The following R3HDM1 variants were observed in gnomAD, a reference collection of about 807,000 sequenced individuals.
The protein encoded by R3HDM1 is R3H domain containing 1, also known as R3H domain-containing protein 1.
A neutral mutation model predicts 141.1 loss-of-function variants in R3HDM1; 46 were observed. The ratio of observed to expected loss-of-function variants is 0.33; its 90% CI spans 0.26 to 0.42. The LOEUF (loss-of-function observed/expected upper bound fraction) is 0.42, where lower values mean the gene tolerates loss of function less well. R3HDM1 is among the 10% of genes least tolerant of loss of function. R3HDM1 has a pLI of 1.00. For synonymous variants in R3HDM1, 435 were observed against 472.9 expected (o/e 0.92, Z 1.04); for missense variants, 1,184 against 1,368.3 (o/e 0.87, Z 2.12).
intron 1 of R3HDM1, among the ~76,000 whole-genome samples, chr2:135,562,531 A>T (rs1701989700): frequency 6.6e-6 from 1 of 152,214 alleles, no homozygotes; most frequent in Non-Finnish European, 1.5e-5. Flanking sequence ...AGATATACTA[A>T]GCCATAAGTC....
At chr2:135,688,641 G>C (rs2071787255) in intron 21 of R3HDM1, among the ~76,000 whole-genome samples, 2 of 152,142 alleles carry the variant, frequency 1.3e-5, no homozygotes, top group Non-Finnish European at 2.9e-5. Flanking sequence ...TTGTTATCAA[G>C]AAATACTGCG....
At chr2:135,611,830 C>T (rs570261708) in intron 3 of R3HDM1, among the ~76,000 whole-genome samples, 1 of 152,230 alleles carries the variant, frequency 6.6e-6, no homozygotes, top group Non-Finnish European at 1.5e-5. Context: ...CTTTCTTGTG[C>T]TGCGTAAAGA....
chr2:135,700,318 C>A (rs1352503836), intron 21 of R3HDM1, among the ~76,000 whole-genome samples: 1 of 152,072 alleles, frequency 6.6e-6, no homozygotes, highest in Non-Finnish European at 1.5e-5. Flanking sequence ...GATAGTGGGA[C>A]CAGTGAGTTT....
intron 1 of R3HDM1, among the ~76,000 whole-genome samples, chr2:135,535,112 T>G (rs1197554094): frequency 1.3e-5 from 2 of 152,204 alleles, no homozygotes; most frequent in African/African-American, 4.8e-5. Flanking sequence ...AATTTTCAAA[T>G]TGCTATTGCA....
intron 18 of R3HDM1, among the ~76,000 whole-genome samples, chr2:135,656,048 C>G (rs79476528): frequency 0.028 from 4,262 of 152,110 alleles, 177 homozygotes; most frequent in African/African-American, 0.088. Context: ...GGGATTTGTC[C>G]ATCTCCCTTT....
At chr2:135,548,013 C>T (rs975036489) in intron 1 of R3HDM1, among the ~76,000 whole-genome samples, 1 of 152,044 alleles carries the variant, frequency 6.6e-6, no homozygotes, top group African/African-American at 2.4e-5. Context: ...ACCTCGTGAT[C>T]CACCCGCCTT....
intron 1 of R3HDM1, chr2:135,590,461 A>C: frequency 1.9e-5 from 15 of 790,072 alleles, no homozygotes; most frequent in Non-Finnish European, 2.3e-5. Flanking sequence ...ATTGTAAAGA[A>C]ACCCATGGGT....
chr2:135,677,821 G>A (rs2069464604), intron 20 of R3HDM1, among the ~76,000 whole-genome samples: 1 of 152,088 alleles, frequency 6.6e-6, no homozygotes, highest in South Asian at 2.1e-4. Context: ...AGCCAGAAAA[G>A]TCATCTGTCC....
Position 135,631,904 on chromosome 2 carries a change from A to C in R3HDM1, c.601A>C (p.Met201Leu), listed in dbSNP as rs1326797518. The stretch of plus-strand genomic sequence containing the variant: ...CCCCCCAATGACATCTTACCATAGG[A>C]TGCTATTACACAGAGTAGCCGCTTA... ...KFPPMTSYHR[M>L]LLHRVAAYFG... Residue 201 changes from methionine (M) to leucine (L), a missense_variant, in exon 9 of 27, where the codon ATG becomes CTG. Coordinates refer to ENST00000683871, the MANE Select transcript of R3HDM1 (RefSeq NM_001378107.1). The C allele has an allele frequency of 6.2e-7, 1 of 1,612,198 alleles. No individual in the cohort carries two copies. The highest frequency in any genetic ancestry group is 8.5e-7 in the Non-Finnish European group (1 of 1,178,646).
chr2:135,724,299 C>A lies in R3HDM1; in HGVS notation c.*7C>A, dbSNP rs997291501. On this transcript the variant is annotated 3_prime_UTR_variant, in exon 27 of 27. Transcript: ENST00000683871. ...AAGGGCAAGTTCTCAGTAACAGCCACCTTTGGACCCTTCGCCTTTATGGTT... is the reference window on the plus strand; with the variant it reads ...AAGGGCAAGTTCTCAGTAACAGCCAACTTTGGACCCTTCGCCTTTATGGTT... The A allele has an allele frequency of 6.3e-7, 1 of 1,576,924 alleles. No individual in the cohort carries two copies. The highest frequency in any genetic ancestry group is 1.1e-5 in the South Asian group (1 of 88,362).
At chr2:135,647,510 G>T (rs758586874) in intron 16 of R3HDM1, among the ~76,000 whole-genome samples, 1 of 152,164 alleles carries the variant, frequency 6.6e-6, no homozygotes, top group Non-Finnish European at 1.5e-5. Flanking sequence ...TCTAAATGAA[G>T]ATGTAGGCCA....
chr2:135,665,516 C>CT (rs1373693749), intron 19 of R3HDM1: 5 of 522,938 alleles, frequency 9.6e-6, no homozygotes, highest in Middle Eastern at 3.2e-4. Context: ...TGCTTTTTTG[C>CT]TTTTTTTAAT....
At position 135,531,526 on chromosome 2, in the gene R3HDM1, G is replaced by A; in HGVS notation, c.-357G>A. 8.1e-6 allele frequency: 8 copies of A among 985,762 alleles called. No individual in the cohort carries two copies. Among genetic ancestry groups the A allele is most frequent in the Non-Finnish European group, 9.6e-6 (8 of 829,964 alleles). The allele number at this position is 985,762 out of a possible 1,614,324, so 61.1% of individuals were successfully genotyped here. On this transcript the variant is annotated 5_prime_UTR_variant, in exon 1 of 27. Transcript: ENST00000683871. Reference sequence around the variant, plus strand: ...TGCCGCTGGAGCCGGTGTCCGGGCTGGTGATGGGGTTAATTCCCTTTCGTA... The same window carrying A: ...TGCCGCTGGAGCCGGTGTCCGGGCTAGTGATGGGGTTAATTCCCTTTCGTA...
intron 19 of R3HDM1, among the ~76,000 whole-genome samples, chr2:135,664,006 C>T (rs2067121507): frequency 6.7e-6 from 1 of 148,874 alleles, no homozygotes; most frequent in Non-Finnish European, 1.5e-5. Context: ...TGCACTCCAG[C>T]CTGGGCAACA....
intron 1 of R3HDM1, among the ~76,000 whole-genome samples, chr2:135,541,226 A>G (rs1442278160): frequency 1.3e-5 from 2 of 151,762 alleles, no homozygotes; most frequent in Admixed American, 1.3e-4. Context: ...TTGGAGACAG[A>G]GTCTTGCTCT....
chr2:135,706,086 G>A (rs577871042), intron 21 of R3HDM1, among the ~76,000 whole-genome samples: 3 of 149,708 alleles, frequency 2.0e-5, no homozygotes, highest in South Asian at 2.1e-4. Flanking sequence ...CCAAGATTGC[G>A]CCACTGCACT....
chr2:135,654,115 C>T (rs2105286282), intron 18 of R3HDM1, among the ~76,000 whole-genome samples: 1 of 152,218 alleles, frequency 6.6e-6, no homozygotes, highest in East Asian at 1.9e-4. Context: ...ATCTGTTAGG[C>T]AGTTGCTACT....
At chr2:135,675,663 A>G (rs1231729812) in intron 20 of R3HDM1, among the ~76,000 whole-genome samples, 177 bp downstream of exon 20, 1 of 152,108 alleles carries the variant, frequency 6.6e-6, no homozygotes, top group Non-Finnish European at 1.5e-5. Flanking sequence ...CAAGAGTTTT[A>G]TTAGTCGTAG....
At chr2:135,595,325 A>G (rs972038398) in intron 1 of R3HDM1, among the ~76,000 whole-genome samples, 1 of 152,140 alleles carries the variant, frequency 6.6e-6, no homozygotes, top group Non-Finnish European at 1.5e-5. Flanking sequence ...CTGACCACTC[A>G]TGTATTGAAT....
Sources: allele counts gnomAD v4.1 joint callset (sites outside exome capture counted in the v4.1 genomes callset), GRCh38; gene constraint gnomAD v4.1.1; transcripts MANE v1.5; gene names NCBI Gene and HGNC (gene_info 2026-07-23, HGNC 2026-07-21).